Variants in KHDRBS2 observed in about 807,000 individuals in gnomAD.
The protein encoded by KHDRBS2 is KH RNA binding domain containing, signal transduction associated 2, also known as KH domain-containing, RNA-binding, signal transduction-associated protein 2.
In KHDRBS2, 26 loss-of-function variants were observed where a neutral mutation model predicts 44.3. The ratio of observed to expected loss-of-function variants is 0.59; its 90% CI spans 0.43 to 0.81. KHDRBS2 has a LOEUF of 0.81. Ranked by LOEUF, KHDRBS2 falls within the 40% of genes least tolerant of loss-of-function variation. The probability of loss-of-function intolerance (pLI) is 0.00; values close to 1 mark genes in which losing one functional copy is unlikely to be tolerated. For synonymous variants in KHDRBS2, 194 were observed against 151.1 expected, an observed-to-expected ratio of 1.28 and a Z score of -2.08; for missense variants, 476 against 433.1, an observed-to-expected ratio of 1.10 and a Z score of -0.88.
At chr6:61,903,927 C>G (rs1804509347) in intron 4 of KHDRBS2, among the ~76,000 whole-genome samples, 1 of 152,172 alleles carries the variant, frequency 6.6e-6, no homozygotes, top group Admixed American at 6.5e-5. Flanking sequence ...CCATCCTGTC[C>G]CAGTCAAGCT....
rs1809826734 is a variant in KHDRBS2 at position 62,129,722 on chromosome 6, T to G, written c.219+47463A>C. On this transcript the variant is annotated intron_variant, in intron 2 of 8. Coordinates refer to ENST00000281156, the MANE Select transcript of KHDRBS2 (RefSeq NM_152688.4). ...TGAATTAAAATAGCATTAAAATTTT[T>G]TTTTCACTTTTACTAGCCATATTTG... is the stretch of plus-strand genomic sequence containing the variant. Among the ~76,000 whole-genome samples the G allele has an allele frequency of 3.9e-5, 6 of 152,252 alleles. No individual in the cohort carries two copies. The South Asian group carries it at 1.2e-3, about 32-fold the overall frequency.
chr6:61,950,216 T>G (rs1764459011), intron 4 of KHDRBS2, among the ~76,000 whole-genome samples: 1 of 152,082 alleles, frequency 6.6e-6, no homozygotes, highest in Non-Finnish European at 1.5e-5. Context: ...TTTCTTTCCT[T>G]GGATACAGTA....
chr6:61,896,414 A>T (rs1303895054), intron 5 of KHDRBS2, among the ~76,000 whole-genome samples: 1 of 152,076 alleles, frequency 6.6e-6, no homozygotes, highest in Non-Finnish European at 1.5e-5. Flanking sequence ...TAAAATGCAG[A>T]TTTCTAAATT....
At chr6:62,009,326 T>A (rs2127267542) in intron 3 of KHDRBS2, among the ~76,000 whole-genome samples, 1 of 152,280 alleles carries the variant, frequency 6.6e-6, no homozygotes, top group East Asian at 1.9e-4. Context: ...TGGAAGAAAT[T>A]TCTAATCAGC....
At chr6:62,249,280 A>G (rs1020789078) in intron 1 of KHDRBS2, among the ~76,000 whole-genome samples, 15 of 152,120 alleles carry the variant, frequency 9.9e-5, no homozygotes, top group East Asian at 3.9e-4. Flanking sequence ...CAGAAAATCA[A>G]TAAGTCCTTA....
chr6:61,778,542 T>C (rs1782454663), intron 6 of KHDRBS2, among the ~76,000 whole-genome samples: 1 of 152,124 alleles, frequency 6.6e-6, no homozygotes, highest in African/African-American at 2.4e-5. Flanking sequence ...AAATGGGCAG[T>C]TAAAAGAAAA....
intron 6 of KHDRBS2, among the ~76,000 whole-genome samples, chr6:61,762,003 T>C (rs1274224508): frequency 6.6e-6 from 1 of 152,180 alleles, no homozygotes; most frequent in Admixed American, 6.5e-5. Context: ...GTAATAAGAA[T>C]GAAAATTCTT....
At chr6:62,170,742 T>C (rs1213527054) in intron 2 of KHDRBS2, among the ~76,000 whole-genome samples, 1 of 151,968 alleles carries the variant, frequency 6.6e-6, no homozygotes, top group African/African-American at 2.4e-5. Context: ...AGGATCACGT[T>C]ATCCTCCCCA....
chr6:62,187,869 C>T (rs1448592956), intron 1 of KHDRBS2, among the ~76,000 whole-genome samples: 1 of 152,034 alleles, frequency 6.6e-6, no homozygotes, highest in East Asian at 1.9e-4. Context: ...ATACCTGAGG[C>T]TGGGTAATTT....
rs1158632781 is a variant in KHDRBS2 at position 61,776,148 on chromosome 6, G to A, written c.811-43384C>T. ...CTTATACAAAAATTAATTCAAGATGGATCAAAGACTTACATGTTAGACCTA... is the reference window on the plus strand; with the variant it reads ...CTTATACAAAAATTAATTCAAGATGAATCAAAGACTTACATGTTAGACCTA... On this transcript the variant is annotated intron_variant, in intron 6 of 8. Transcript: ENST00000281156. Among the ~76,000 whole-genome samples, 5 of 152,108 alleles carry A rather than the reference G, an allele frequency of 3.3e-5. No individual in the cohort carries two copies. The South Asian group carries it at 8.3e-4, about 25-fold the overall frequency.
At chr6:61,578,627 G>A in the KHDRBS2 span, among the ~76,000 whole-genome samples, 1 of 152,222 alleles carries the variant, frequency 6.6e-6, no homozygotes, top group Non-Finnish European at 1.5e-5. Flanking sequence ...CAAATAAGAA[G>A]TGGGCCTGCC....
intron 4 of KHDRBS2, among the ~76,000 whole-genome samples, chr6:61,928,413 T>C (rs1277309256): frequency 6.6e-6 from 1 of 152,142 alleles, no homozygotes; most frequent in African/African-American, 2.4e-5. Context: ...GATAAAATTA[T>C]AAAATCACTG....
intron 1 of KHDRBS2, among the ~76,000 whole-genome samples, chr6:62,270,294 TCTCTCTC>T (rs1279870494): frequency 3.5e-5 from 5 of 141,996 alleles, no homozygotes; most frequent in East Asian, 2.1e-4. Context: ...TCTCTCTCTC[TCTCTCTC>T]CTCTCTCTCT....
chr6:61,969,829 A>G lies in KHDRBS2; in HGVS notation c.483+8237T>C, dbSNP rs1358956544. ...GTATTCAAATTTTATTCTGACTTAA[A>G]TAAAGATAAATACTAGTTGGAGGCC... On this transcript the variant is annotated intron_variant, in intron 4 of 8. Transcript: ENST00000281156. Among the ~76,000 whole-genome samples, 3 of 152,100 alleles carry G rather than the reference A, an allele frequency of 2.0e-5. No homozygotes were observed. The East Asian group carries it at 5.8e-4, about 29-fold the overall frequency.
At chr6:61,636,306 C>T in the KHDRBS2 span, among the ~76,000 whole-genome samples, 3 of 151,970 alleles carry the variant, frequency 2.0e-5, no homozygotes, top group African/African-American at 7.2e-5. Flanking sequence ...ATTTACTAAT[C>T]ACCTCTAAAA....
intron 2 of KHDRBS2, among the ~76,000 whole-genome samples, chr6:62,108,018 C>G (rs1027180517): frequency 6.6e-6 from 1 of 152,158 alleles, no homozygotes; most frequent in Non-Finnish European, 1.5e-5. Flanking sequence ...CATTACCATT[C>G]AGGACATAGG....
chr6:61,771,387 C>A (rs538079004), intron 6 of KHDRBS2, among the ~76,000 whole-genome samples: 1 of 152,050 alleles, frequency 6.6e-6, no homozygotes, highest in Admixed American at 6.6e-5. Flanking sequence ...AAGACACAGA[C>A]TGGCAAATTG....
At chr6:61,777,519 A>G (rs9444980) in intron 6 of KHDRBS2, among the ~76,000 whole-genome samples, 4,676 of 152,194 alleles carry the variant, frequency 0.031, 259 homozygotes, top group African/African-American at 0.11. Context: ...AGAGAATGCC[A>G]AAACTTCTGG....
intron 1 of KHDRBS2, among the ~76,000 whole-genome samples, chr6:62,234,439 C>A (rs974515054): frequency 6.6e-6 from 1 of 151,914 alleles, no homozygotes; most frequent in East Asian, 1.9e-4. Flanking sequence ...TTTTTATATG[C>A]CAGGTATTGC....
Sources: gnomAD v4.1 joint callset for allele counts (sites outside exome capture counted in the v4.1 genomes callset) on GRCh38, gnomAD v4.1.1 for gene constraint, MANE v1.5 for transcripts, NCBI Gene and HGNC (gene_info 2026-07-23, HGNC 2026-07-21) for gene names.